The following PPIP5K1 variants were observed in gnomAD, a reference collection of about 807,000 sequenced individuals.
PPIP5K1 encodes the protein diphosphoinositol pentakisphosphate kinase 1.
Under a neutral mutation model 27.7 loss-of-function variants are expected in PPIP5K1, and 6 were observed. The observed-to-expected ratio is 0.22, with a 90% CI of 0.12 to 0.43. The LOEUF (loss-of-function observed/expected upper bound fraction) is 0.43. Among genes scored for constraint, PPIP5K1 ranks in the 20% least tolerant of loss-of-function variants. PPIP5K1 has a pLI of 1.00. For missense variants in PPIP5K1, 394 were observed against 635.4 expected (o/e 0.62, Z 4.08); for synonymous variants, 145 against 242.6 (o/e 0.60, Z 3.74).
chr15:43,553,326 C>T (rs910144048), intron 30 of PPIP5K1, among the ~76,000 whole-genome samples: 3 of 151,576 alleles, frequency 2.0e-5, no homozygotes, highest in African/African-American at 7.3e-5. Flanking sequence ...TATTTCCTTA[C>T]TAATTTTCTT....
intron 30 of PPIP5K1, among the ~76,000 whole-genome samples, chr15:43,547,278 T>G (rs1293317244): frequency 6.6e-6 from 1 of 152,212 alleles, no homozygotes; most frequent in Admixed American, 6.5e-5. Context: ...CTGTACGTAT[T>G]AGATATAATA....
chr15:43,539,990 T>C (rs1387664477), intron 30 of PPIP5K1, among the ~76,000 whole-genome samples: 1 of 152,198 alleles, frequency 6.6e-6, no homozygotes, highest in Non-Finnish European at 1.5e-5. Flanking sequence ...CAGTGGCTCA[T>C]GCCTGTAATC....
intron 30 of PPIP5K1, among the ~76,000 whole-genome samples, chr15:43,555,666 G>A (rs893267352): frequency 1.3e-5 from 2 of 151,390 alleles, no homozygotes; most frequent in Admixed American, 1.3e-4. Context: ...GAGTACAGTG[G>A]CACGATCTCA....
intron 30 of PPIP5K1, among the ~76,000 whole-genome samples, chr15:43,556,801 ATCT>A (rs1342184738): frequency 6.6e-6 from 1 of 152,238 alleles, no homozygotes; most frequent in Non-Finnish European, 1.5e-5. Context: ...GTGGGCTGTC[ATCT>A]TCAAGAGCAC....
intron 30 of PPIP5K1, among the ~76,000 whole-genome samples, chr15:43,558,580 C>T (rs1278461731): frequency 1.3e-5 from 2 of 152,062 alleles, no homozygotes; most frequent in Non-Finnish European, 2.9e-5. Flanking sequence ...TTGTCTCAAA[C>T]TCCTGACCTC....
Position 43,567,145 on chromosome 15 carries a change from G to A in PPIP5K1, c.3046+1318C>T, listed in dbSNP as rs1261811783. On this transcript the variant is annotated intron_variant, in intron 26 of 31. Transcript: ENST00000420765. ...TTTTTTTTTTTTTTTGAGACAGAGTGTCACTCTGTCACCCAGGTTGGAGTA... is the reference window on the plus strand; with the variant it reads ...TTTTTTTTTTTTTTTGAGACAGAGTATCACTCTGTCACCCAGGTTGGAGTA... Among the ~76,000 whole-genome samples, 2 of 102,098 alleles carry A rather than the reference G, an allele frequency of 2.0e-5. 1 individual carries two copies. Among genetic ancestry groups the A allele is most frequent in the African/African-American group, 1.6e-4 (2 of 12,842 alleles). The allele number at this position is 102,098 out of a possible 152,430, so 67.0% of individuals were successfully genotyped here.
At position 43,552,367 on chromosome 15, in the gene PPIP5K1, T is replaced by C. The variant is rs560077821; in HGVS notation, c.3556+6428A>G. On this transcript the variant is annotated intron_variant, in intron 30 of 31. Coordinates refer to ENST00000420765, the MANE Select transcript of PPIP5K1 (RefSeq NM_001394395.1). Reference sequence around the variant, plus strand: ...CATTTTCATTCATCTCAAAGTATAATCTAATTTCCCTTGTGAGTTCTTCTT... The same window carrying C: ...CATTTTCATTCATCTCAAAGTATAACCTAATTTCCCTTGTGAGTTCTTCTT... Among the ~76,000 whole-genome samples the C allele has an allele frequency of 1.1e-4, 16 of 152,016 alleles. No homozygotes were observed. In the East Asian group the frequency reaches 2.7e-3, roughly 26 times the overall value.
chr15:43,557,657 T>TTCTC (rs746074120), intron 30 of PPIP5K1, among the ~76,000 whole-genome samples: 1 of 149,158 alleles, frequency 6.7e-6, no homozygotes. Context: ...TCTCTTCTCT[T>TTCTC]TCTCTCTCTC....
At chr15:43,537,658 C>T (rs2140329461) in intron 31 of PPIP5K1, among the ~76,000 whole-genome samples, 1 of 135,520 alleles carries the variant, frequency 7.4e-6, no homozygotes, top group South Asian at 2.4e-4. Context: ...CACTGTACTC[C>T]AGCCTGGGTG....
intron 30 of PPIP5K1, among the ~76,000 whole-genome samples, chr15:43,555,618 T>C (rs2141009679): frequency 6.7e-6 from 1 of 149,892 alleles, no homozygotes; most frequent in Non-Finnish European, 1.5e-5. Flanking sequence ...ATTATTACCA[T>C]TTTTTAGAGA....
rs1314726819 is a variant in PPIP5K1, at chr15:43,535,350, T to C, written c.3797A>G (p.Gln1266Arg). 1.2e-6 allele frequency: 2 copies of C among 1,614,110 alleles called. No homozygotes were observed. The highest frequency in any genetic ancestry group is 2.2e-5 in the South Asian group (2 of 91,078). The change falls in exon 32 of 32, where the codon CAA becomes CGA. Residue 1266 changes from glutamine (Q) to arginine (R), a missense_variant. Transcript: ENST00000420765. ...GGTCTCCTGGAGCAGCCCAAGGCCT[T>C]GATGTTCTTCAGCCACGTGTGAATT... ...SLNSHVAEEH[Q>R]GLGLLQETPG...
chr15:43,543,837 T>C (rs558107574), intron 30 of PPIP5K1, among the ~76,000 whole-genome samples: 3 of 151,256 alleles, frequency 2.0e-5, no homozygotes, highest in African/African-American at 4.8e-5. Flanking sequence ...ACTATATACA[T>C]AGTATCAATA....
intron 30 of PPIP5K1, among the ~76,000 whole-genome samples, chr15:43,547,639 T>C (rs760942852): frequency 2.8e-4 from 42 of 152,236 alleles, no homozygotes; most frequent in Admixed American, 8.5e-4. Flanking sequence ...AGTTTTGACA[T>C]CCTTGTTGAA....
Position 43,545,727 on chromosome 15 carries a change from T to C in PPIP5K1, c.3557-6144A>G, listed in dbSNP as rs114012198. ...CTTACTTTCAGATGATAAAGGAATT[T>C]ACCACTAACACCCTGCTTACTTTTA... On this transcript the variant is annotated intron_variant, in intron 30 of 31. Transcript: ENST00000420765. Among the ~76,000 whole-genome samples the C allele has an allele frequency of 2.1e-3, 321 of 152,252 alleles. 2 individuals carry two copies. The highest frequency in any genetic ancestry group is 7.5e-3 in the African/African-American group (312 of 41,552).
chr15:43,545,121 T>G (rs972725690), intron 30 of PPIP5K1, among the ~76,000 whole-genome samples: 1 of 149,944 alleles, frequency 6.7e-6, no homozygotes, highest in African/African-American at 2.5e-5. Flanking sequence ...GAGCTTGCAG[T>G]GAGCCGAGAT....
chr15:43,542,672 G>A (rs1456770469), intron 30 of PPIP5K1, among the ~76,000 whole-genome samples: 1 of 150,684 alleles, frequency 6.6e-6, no homozygotes, highest in Non-Finnish European at 1.5e-5. Context: ...GTGTGTGTGT[G>A]TGTGTGTGTG....
chr15:43,558,115 G>T (rs2141091819), intron 30 of PPIP5K1, among the ~76,000 whole-genome samples: 1 of 149,970 alleles, frequency 6.7e-6, no homozygotes. Flanking sequence ...AGGCTGGAGT[G>T]CAGTGGTGCG....
At chr15:43,537,877 A>G (rs769324974) in intron 31 of PPIP5K1, among the ~76,000 whole-genome samples, 12 of 150,798 alleles carry the variant, frequency 8.0e-5, no homozygotes, top group Non-Finnish European at 1.6e-4. Context: ...AAAAAAAGAA[A>G]AAGAAAAGAT....
At chr15:43,539,939 A>G (rs2080441472) in intron 30 of PPIP5K1, among the ~76,000 whole-genome samples, 1 of 152,192 alleles carries the variant, frequency 6.6e-6, no homozygotes, top group Non-Finnish European at 1.5e-5. Context: ...ACCTCTAAAT[A>G]CTTCAAAATG....
Sources: gnomAD v4.1 joint callset for allele counts (sites outside exome capture counted in the v4.1 genomes callset) on GRCh38, gnomAD v4.1.1 for gene constraint, MANE v1.5 for transcripts, NCBI Gene and HGNC (gene_info 2026-07-23, HGNC 2026-07-21) for gene names.